GRID2: variants seen among roughly 807,000 people sequenced by gnomAD.
The protein encoded by GRID2 is glutamate receptor ionotropic, delta-2.
GRID2 carries 33 observed loss-of-function variants against 114.8 expected under a neutral mutation model. The observed-to-expected ratio is 0.29, with a 90% confidence interval of 0.22 to 0.38. The LOEUF (loss-of-function observed/expected upper bound fraction) is 0.38. GRID2 is among the 10% of genes least tolerant of loss of function. The pLI is 1.00. For synonymous variants in GRID2, 505 were observed against 449.9 expected (o/e 1.12, Z -1.55); for missense variants, 1,184 against 1,257.7 (o/e 0.94, Z 0.89).
intron 1 of GRID2, among the ~76,000 whole-genome samples, chr4:93,782,506 T>C (rs1734500360): frequency 6.6e-6 from 1 of 152,102 alleles, no homozygotes; most frequent in African/African-American, 2.4e-5. Flanking sequence ...AAGAGTACTC[T>C]AAGAGACTAA....
chr4:92,889,735 C>T (rs112537236), intron 2 of GRID2, among the ~76,000 whole-genome samples: 3,194 of 152,196 alleles, frequency 0.021, 53 homozygotes, highest in East Asian at 0.053. Context: ...CAAGCTACCA[C>T]TGACTTTCTT....
At chr4:92,322,889 G>A (rs1726389937) in intron 1 of GRID2, among the ~76,000 whole-genome samples, 1 of 152,090 alleles carries the variant, frequency 6.6e-6, no homozygotes, top group South Asian at 2.1e-4. Flanking sequence ...CTAAGTATAA[G>A]TTGTCTTCCT....
intron 2 of GRID2, among the ~76,000 whole-genome samples, chr4:92,943,965 C>T (rs900370087): frequency 6.6e-6 from 1 of 152,152 alleles, no homozygotes; most frequent in African/African-American, 2.4e-5. Flanking sequence ...AGAGGGGTAC[C>T]AGGCCATGTG....
At chr4:93,322,163 A>G (rs985961467) in intron 8 of GRID2, among the ~76,000 whole-genome samples, 1 of 151,832 alleles carries the variant, frequency 6.6e-6, no homozygotes, top group African/African-American at 2.4e-5. Flanking sequence ...TATCATTTAC[A>G]TTAGGTTTAT....
chr4:92,640,490 A>G lies in GRID2; in HGVS notation c.244+50204A>G, dbSNP rs569654168. Among the ~76,000 whole-genome samples, 4 of 152,034 alleles carry G rather than the reference A, an allele frequency of 2.6e-5. No individual in the cohort carries two copies. In the Admixed American group the frequency reaches 2.6e-4, roughly 10 times the overall value. On this transcript the variant is annotated intron_variant, in intron 2 of 15. Coordinates refer to ENST00000282020, the MANE Select transcript of GRID2 (RefSeq NM_001510.4). ...ATAGGTCAAACAGAAATGTAACACTATAGATCTAGTTTGGAAACAATTAAC... is the reference window on the plus strand; with the variant it reads ...ATAGGTCAAACAGAAATGTAACACTGTAGATCTAGTTTGGAAACAATTAAC...
At chr4:93,344,491 G>GT (rs748598034) in intron 8 of GRID2, among the ~76,000 whole-genome samples, 2 of 151,582 alleles carry the variant, frequency 1.3e-5, no homozygotes, top group Non-Finnish European at 2.9e-5. Context: ...ACAAGGCAAT[G>GT]TTTTGATATA....
At chr4:93,783,813 C>G (rs1343938411) in intron 1 of GRID2, among the ~76,000 whole-genome samples, 1 of 152,006 alleles carries the variant, frequency 6.6e-6, no homozygotes, top group Non-Finnish European at 1.5e-5. Context: ...TGGCTCACGC[C>G]TGTAATCCCA....
intron 5 of GRID2, 74 bp from the exon 6 acceptor site, chr4:93,216,663 AT>A (rs1246764247): frequency 1.1e-6 from 1 of 935,482 alleles, no homozygotes; most frequent in Admixed American, 2.1e-5. Context: ...ACATTTACAG[AT>A]AACAACTCAT....
At chr4:93,163,304 A>G (rs980843286) in intron 4 of GRID2, among the ~76,000 whole-genome samples, 6 of 147,038 alleles carry the variant, frequency 4.1e-5, no homozygotes, top group African/African-American at 1.5e-4. Context: ...GGTTATCTCA[A>G]GACAGTAAGA....
chr4:93,188,448 A>G lies in GRID2; in HGVS notation c.736-18956A>G, dbSNP rs116192938. Among the ~76,000 whole-genome samples, 394 of 152,264 alleles carry G rather than the reference A, an allele frequency of 2.6e-3. 1 individual carries two copies. Among genetic ancestry groups the G allele is most frequent in the African/African-American group, 9.1e-3 (379 of 41,558 alleles). On this transcript the variant is annotated intron_variant, in intron 4 of 15. Transcript: ENST00000282020. Reference sequence around the variant, plus strand: ...GAGACTTAAAATTTTTCTGTTCCCAAGGTCCTGGATTTCTAAGCTTATGAT... The same window carrying G: ...GAGACTTAAAATTTTTCTGTTCCCAGGGTCCTGGATTTCTAAGCTTATGAT...
chr4:93,098,050 C>G (rs1220450610), intron 3 of GRID2, among the ~76,000 whole-genome samples: 1 of 151,920 alleles, frequency 6.6e-6, no homozygotes, highest in Non-Finnish European at 1.5e-5. Flanking sequence ...GTTTTTCCAT[C>G]TCTCTGTATG....
chr4:92,667,715 C>A (rs1158816565), intron 2 of GRID2, among the ~76,000 whole-genome samples: 1 of 151,166 alleles, frequency 6.6e-6, no homozygotes, highest in Non-Finnish European at 1.5e-5. Context: ...AAAAAAATAC[C>A]CCCTAGAGTG....
chr4:92,917,742 G>T (rs1294269264), intron 2 of GRID2, among the ~76,000 whole-genome samples: 1 of 152,126 alleles, frequency 6.6e-6, no homozygotes, highest in Non-Finnish European at 1.5e-5. Context: ...ATGCTGTTTT[G>T]GTTACTGTAC....
chr4:92,792,568 T>G (rs2149365719), intron 2 of GRID2, among the ~76,000 whole-genome samples: 1 of 151,728 alleles, frequency 6.6e-6, no homozygotes, highest in South Asian at 2.1e-4. Flanking sequence ...ACATAATTTT[T>G]GGGAAGAGGA....
chr4:92,913,369 CTATTAT>C (rs1398214716), intron 2 of GRID2, among the ~76,000 whole-genome samples: 1 of 151,788 alleles, frequency 6.6e-6, no homozygotes, highest in African/African-American at 2.4e-5. Flanking sequence ...TGGGCACTAA[CTATTAT>C]TATTATTGTT....
intron 2 of GRID2, among the ~76,000 whole-genome samples, chr4:92,770,733 G>A (rs1199903432): frequency 6.6e-6 from 1 of 151,992 alleles, no homozygotes; most frequent in Admixed American, 6.6e-5. Flanking sequence ...ACTATCACGA[G>A]AAAAGCGCGG....
chr4:93,214,561 C>T (rs1743963577), intron 5 of GRID2, among the ~76,000 whole-genome samples: 1 of 151,992 alleles, frequency 6.6e-6, no homozygotes, highest in African/African-American at 2.4e-5. Flanking sequence ...CTGTTAGTTT[C>T]TTTCAGAATG....
At chr4:92,863,605 G>A (rs1464997917) in intron 2 of GRID2, among the ~76,000 whole-genome samples, 1 of 152,038 alleles carries the variant, frequency 6.6e-6, no homozygotes, top group Non-Finnish European at 1.5e-5. Flanking sequence ...TATTTGTGAA[G>A]CTTTCTCTAT....
intron 2 of GRID2, among the ~76,000 whole-genome samples, chr4:92,685,680 C>A (rs1401791778): frequency 1.3e-5 from 2 of 151,842 alleles, no homozygotes; most frequent in East Asian, 3.9e-4. Flanking sequence ...AATATATGAC[C>A]ATATAATTTT....
Sources: gnomAD v4.1 joint callset for allele counts (sites outside exome capture counted in the v4.1 genomes callset) on GRCh38, gnomAD v4.1.1 for gene constraint, MANE v1.5 for transcripts, NCBI Gene and HGNC (gene_info 2026-07-23, HGNC 2026-07-21) for gene names.